JMY: variants seen among roughly 807,000 people sequenced by gnomAD.
The protein encoded by JMY is junction mediating and regulatory protein, p53 cofactor.
A neutral mutation model predicts 103.3 loss-of-function variants in JMY; 46 were observed. The observed-to-expected ratio is 0.45, with a 90% CI of 0.35 to 0.57. The LOEUF is 0.57. JMY is among the 20% of genes least tolerant of loss of function. JMY has a pLI of 0.00. For synonymous variants in JMY, 526 were observed against 489.3 expected (o/e 1.07, Z -0.99); for missense variants, 1,238 against 1,255.2 (o/e 0.99, Z 0.21).
chr5:79,288,851 G>A (rs147478989), intron 2 of JMY, among the ~76,000 whole-genome samples: 96 of 152,038 alleles, frequency 6.3e-4, no homozygotes, highest in African/African-American at 2.2e-3. Context: ...CAGTTTTTGC[G>A]TGACTCAGCT....
At chr5:79,250,701 TA>T (rs2112052040) in intron 1 of JMY, among the ~76,000 whole-genome samples, 1 of 150,368 alleles carries the variant, frequency 6.7e-6, no homozygotes, top group South Asian at 2.1e-4. Flanking sequence ...CAGGTGCTTT[TA>T]ACAGCCTCTC....
rs761798654 is a variant in JMY, at chr5:79,306,452, A to G, written c.1959A>G (p.Thr653=). The G allele has an allele frequency of 1.9e-6, 3 of 1,604,834 alleles. No homozygotes were observed. Among genetic ancestry groups the G allele is most frequent in the Admixed American group, 1.7e-5 (1 of 59,118 alleles). Reference sequence around the variant, plus strand: ...AAGATGAATATAGAACCCATCACACAGTACAACTAGTAAGTTTGGATTCGA... The same window carrying G: ...AAGATGAATATAGAACCCATCACACGGTACAACTAGTAAGTTTGGATTCGA... The part of the protein sequence containing the change: ...RIEDEYRTHH[T]VQLKREKLHD... The change falls in exon 7 of 11, where the codon ACA becomes ACG. Residue 653 remains threonine, a synonymous_variant. Transcript: ENST00000396137.
chr5:79,284,044 A>ATCAC (rs1554050662), intron 2 of JMY: 2 of 568,902 alleles, frequency 3.5e-6, no homozygotes, highest in African/African-American at 5.3e-5. Flanking sequence ...CAAGGTACAA[A>ATCAC]TTACTTTCTT....
intron 1 of JMY, among the ~76,000 whole-genome samples, chr5:79,240,402 C>A (rs1420109270): frequency 6.6e-6 from 1 of 152,074 alleles, no homozygotes; most frequent in Non-Finnish European, 1.5e-5. Flanking sequence ...CCTCCACCTC[C>A]CGGGTTCAAG....
At chr5:79,247,710 T>A (rs1744946384) in intron 1 of JMY, among the ~76,000 whole-genome samples, 1 of 151,824 alleles carries the variant, frequency 6.6e-6, no homozygotes, top group African/African-American at 2.4e-5. Flanking sequence ...TGGAGTATAG[T>A]GGCACAATCT....
intron 2 of JMY, among the ~76,000 whole-genome samples, chr5:79,289,462 G>C (rs1160371211): frequency 1.3e-5 from 2 of 152,010 alleles, no homozygotes; most frequent in Non-Finnish European, 2.9e-5. Context: ...AAGCAAGATT[G>C]TATGTATAAG....
intron 2 of JMY, among the ~76,000 whole-genome samples, chr5:79,285,418 A>G (rs1331493531): frequency 2.0e-5 from 3 of 152,078 alleles, no homozygotes; most frequent in Non-Finnish European, 4.4e-5. Flanking sequence ...GCTGGGTGCT[A>G]TTTATTGTGC....
At chr5:79,241,642 G>A (rs1266806389) in intron 1 of JMY, among the ~76,000 whole-genome samples, 2 of 152,196 alleles carry the variant, frequency 1.3e-5, no homozygotes, top group African/African-American at 4.8e-5. Context: ...TAGAGAGAAA[G>A]GCAATAATGT....
chr5:79,302,116 T>C (rs1746754464), intron 6 of JMY, among the ~76,000 whole-genome samples: 1 of 151,784 alleles, frequency 6.6e-6, no homozygotes. Flanking sequence ...TGCAGTGATT[T>C]CAGCAGGTCT....
Position 79,323,445 on chromosome 5 carries a change from C to T in JMY, c.*1843C>T, listed in dbSNP as rs561549770. 6.6e-6 allele frequency: 1 copy of T among 152,212 alleles called. No homozygotes were observed. Among genetic ancestry groups the T allele is most frequent in the East Asian group, 1.9e-4 (1 of 5,172 alleles). The allele number at this position is 152,212 out of a possible 1,614,324, so 9.4% of individuals were successfully genotyped here. A position where few individuals can be genotyped will look rare whatever the true frequency, so the allele number is the denominator to read the frequency against. On this transcript the variant is annotated 3_prime_UTR_variant, in exon 11 of 11. Transcript: ENST00000396137. ...GGGTGGTGATAGTGTCCTATTTGCCCTTGGTAAAATATTAAAGCGTATTTC... is the reference window on the plus strand; with the variant it reads ...GGGTGGTGATAGTGTCCTATTTGCCTTTGGTAAAATATTAAAGCGTATTTC...
rs34278536 is a variant in JMY at position 79,278,585 on chromosome 5, C to CAAAAA, written c.1206+526_1206+530dup. 4.6e-3 allele frequency among the ~76,000 whole-genome samples: 263 copies of CAAAAA among 57,296 alleles called. 37 individuals are homozygous for CAAAAA. The highest frequency in any genetic ancestry group is 7.8e-3 in the South Asian group (7 of 898). The allele number at this position is 57,296 out of a possible 152,430, so 37.6% of individuals were successfully genotyped here. Reference sequence around the variant, plus strand: ...GGGCAACACGGAGAACCCGTCTCTACAAAAAAAAAAAAAAAAAAAAAAAAA... The same window carrying CAAAAA: ...GGGCAACACGGAGAACCCGTCTCTACAAAAAAAAAAAAAAAAAAAAAAAAAAAAAA... On this transcript the variant is annotated intron_variant, in intron 2 of 10. Transcript: ENST00000396137.
chr5:79,314,294 T>C lies in JMY; in HGVS notation c.2102T>C (p.Leu701Ser). The change falls in exon 9 of 11, where the codon TTA (leucine) becomes TCA (serine). Residue 701 changes from leucine to serine, a missense_variant. Leu to Ser is a moderately radical substitution (Grantham distance 145). Coordinates refer to ENST00000396137, the MANE Select transcript of JMY (RefSeq NM_152405.5). ...CAAGTCATACTTAAATCAACCAGAT[T>C]ACGACTAGCTCATGCAAGAAGAAAA... ...PGQVILKSTR[L>S]RLAHARRKGA... 6.2e-7 allele frequency: 1 copy of C among 1,613,976 alleles called. No individual in the cohort carries two copies. Among genetic ancestry groups the C allele is most frequent in the Non-Finnish European group, 8.5e-7 (1 of 1,179,918 alleles).
At chr5:79,282,870 T>G (rs1208166802) in intron 2 of JMY, among the ~76,000 whole-genome samples, 1 of 152,092 alleles carries the variant, frequency 6.6e-6, no homozygotes, top group Non-Finnish European at 1.5e-5. Flanking sequence ...GCTTTTAGTC[T>G]AAGGATTTAT....
At chr5:79,320,805 G>C (rs1480980614) in intron 10 of JMY, among the ~76,000 whole-genome samples, 1 of 152,064 alleles carries the variant, frequency 6.6e-6, no homozygotes, top group Non-Finnish European at 1.5e-5. Context: ...TAAAAACTAA[G>C]GACATTGCTT....
intron 1 of JMY, among the ~76,000 whole-genome samples, chr5:79,242,026 G>A (rs1744757028): frequency 1.3e-5 from 2 of 152,196 alleles, no homozygotes; most frequent in Admixed American, 1.3e-4. Flanking sequence ...ATGATTAACT[G>A]TGGTGCTTTA....
intron 2 of JMY, among the ~76,000 whole-genome samples, chr5:79,281,876 T>C (rs1746127186): frequency 6.6e-6 from 1 of 152,152 alleles, no homozygotes; most frequent in Non-Finnish European, 1.5e-5. Context: ...GGAAAAGACA[T>C]CTAACACAAA....
intron 1 of JMY, among the ~76,000 whole-genome samples, chr5:79,271,046 G>A (rs1290517459): frequency 6.6e-6 from 1 of 151,956 alleles, no homozygotes; most frequent in Non-Finnish European, 1.5e-5. Context: ...GGATTTTTGT[G>A]TCTGTGCTAA....
chr5:79,309,274 G>A (rs1242499666), intron 7 of JMY, among the ~76,000 whole-genome samples: 1 of 152,134 alleles, frequency 6.6e-6, no homozygotes, highest in African/African-American at 2.4e-5. Flanking sequence ...GATGTTACCT[G>A]TAGGTTTTGG....
At chr5:79,262,676 C>A (rs907604809) in intron 1 of JMY, among the ~76,000 whole-genome samples, 3 of 152,170 alleles carry the variant, frequency 2.0e-5, no homozygotes, top group Non-Finnish European at 4.4e-5. Context: ...AAACATGAAA[C>A]TTTATAGGAA....
Sources: gnomAD v4.1 joint callset for allele counts (sites outside exome capture counted in the v4.1 genomes callset) on GRCh38, gnomAD v4.1.1 for gene constraint, MANE v1.5 for transcripts, NCBI Gene and HGNC (gene_info 2026-07-23, HGNC 2026-07-21) for gene names.